Variants in KCNMA1 observed in about 807,000 individuals in gnomAD.
KCNMA1 encodes Calcium-activated potassium channel subunit alpha-1.
KCNMA1 carries 29 observed loss-of-function variants against 140.0 expected under a neutral mutation model. The ratio of observed to expected loss-of-function variants is 0.21; its 90% CI spans 0.15 to 0.28. The LOEUF is 0.28. Ranked by LOEUF, KCNMA1 falls within the 10% of genes least tolerant of loss-of-function variation. The probability of loss-of-function intolerance (pLI) is 1.00; values close to 1 mark genes in which losing one functional copy is unlikely to be tolerated. For missense variants in KCNMA1, 880 were observed against 1,602.2 expected (o/e 0.55, Z 7.70); for synonymous variants, 612 against 611.9 (o/e 1.00, Z 0.00).
intron 1 of KCNMA1, among the ~76,000 whole-genome samples, chr10:77,443,838 A>C (rs1402377566): frequency 6.6e-6 from 1 of 152,218 alleles, no homozygotes; most frequent in Non-Finnish European, 1.5e-5. Context: ...AATAAGACCT[A>C]GAGTTTGATA....
At chr10:77,329,007 AT>A (rs2085293714) in intron 2 of KCNMA1, among the ~76,000 whole-genome samples, 2 of 151,710 alleles carry the variant, frequency 1.3e-5, no homozygotes, top group Admixed American at 6.6e-5. Flanking sequence ...TGCCCGGCTA[AT>A]TTTTTGTATT....
chr10:77,136,445 C>T (rs1564751770), intron 5 of KCNMA1, among the ~76,000 whole-genome samples: 2 of 151,984 alleles, frequency 1.3e-5, no homozygotes, highest in South Asian at 2.1e-4. Context: ...TTCAACTTTG[C>T]AAGATCAAAA....
chr10:77,250,994 C>G (rs1565495412), intron 3 of KCNMA1: 2 of 606,106 alleles, frequency 3.3e-6, no homozygotes, highest in Non-Finnish European at 5.9e-6. Context: ...CCCTCCTATG[C>G]CAGCAGACTC....
intron 2 of KCNMA1, among the ~76,000 whole-genome samples, chr10:77,271,361 T>C (rs1020861230): frequency 3.3e-5 from 5 of 152,152 alleles, no homozygotes; most frequent in African/African-American, 7.2e-5. Flanking sequence ...CTCATTCTGC[T>C]GGTCCAGGCT....
chr10:76,888,393 T>C (rs1470233738), intron 27 of KCNMA1: 5 of 152,172 alleles, frequency 3.3e-5, no homozygotes, highest in Non-Finnish European at 7.4e-5. Context: ...TTTACATAAT[T>C]TAAAATATAT....
intron 1 of KCNMA1, among the ~76,000 whole-genome samples, chr10:77,475,199 A>C (rs561428103): frequency 3.9e-5 from 6 of 152,322 alleles, no homozygotes; most frequent in African/African-American, 1.4e-4. Context: ...TATGCCAAGC[A>C]TGCTCACCAT....
At chr10:77,292,272 G>T (rs569127749) in intron 2 of KCNMA1, among the ~76,000 whole-genome samples, 2 of 152,280 alleles carry the variant, frequency 1.3e-5, no homozygotes, top group South Asian at 4.1e-4. Flanking sequence ...CACTCCATTA[G>T]AGTTGACCTG....
In KCNMA1 at chr10:77,587,629, C is replaced by A. The variant is rs556654360; in HGVS notation, c.378+49636G>T. On this transcript the variant is annotated intron_variant, in intron 1 of 27. Coordinates refer to ENST00000286628, the MANE Select transcript of KCNMA1 (RefSeq NM_001161352.2). ...GGACTTTCTGTGTCTGGGCTGCGGG[C>A]CCCTGAGTGTCCGGTGCTCTGAGGA... The A allele has an allele frequency of 4.7e-6, 4 of 847,092 alleles. No individual in the cohort carries two copies. The South Asian group carries it at 1.6e-4, about 34-fold the overall frequency. The allele number at this position is 847,092 out of a possible 1,614,324, so 52.5% of individuals were successfully genotyped here. A position where few individuals can be genotyped will look rare whatever the true frequency, so the allele number is the denominator to read the frequency against.
intron 3 of KCNMA1, among the ~76,000 whole-genome samples, chr10:77,197,795 C>T (rs1001388502): frequency 6.6e-6 from 1 of 152,110 alleles, no homozygotes; most frequent in African/African-American, 2.4e-5. Flanking sequence ...GCAGAAAGGA[C>T]CTACATCAAA....
At chr10:77,486,861 C>T (rs2098466966) in intron 1 of KCNMA1, among the ~76,000 whole-genome samples, 1 of 152,242 alleles carries the variant, frequency 6.6e-6, no homozygotes, top group African/African-American at 2.4e-5. Context: ...TTCCCTTCCT[C>T]CCTAGTCCCC....
chr10:77,224,056 G>T (rs1470348004), intron 3 of KCNMA1, among the ~76,000 whole-genome samples: 1 of 152,186 alleles, frequency 6.6e-6, no homozygotes, highest in East Asian at 1.9e-4. Flanking sequence ...CCATGAGTCA[G>T]CCATTCTCAA....
intron 6 of KCNMA1, 48 bp from the exon 7 acceptor site, chr10:77,112,490 C>T: frequency 6.9e-7 from 1 of 1,450,652 alleles, no homozygotes; most frequent in Non-Finnish European, 9.7e-7. Flanking sequence ...AAGGGAAGGC[C>T]CTGCTGGGGC....
chr10:77,515,214 G>C (rs974155945), intron 1 of KCNMA1, among the ~76,000 whole-genome samples: 8 of 152,108 alleles, frequency 5.3e-5, no homozygotes, highest in African/African-American at 1.7e-4. Flanking sequence ...CCGGGGGATG[G>C]GGGGGAAAGG....
intron 3 of KCNMA1, among the ~76,000 whole-genome samples, chr10:77,241,100 C>T (rs1195352566): frequency 6.6e-6 from 1 of 152,114 alleles, no homozygotes; most frequent in Non-Finnish European, 1.5e-5. Flanking sequence ...TTTTAATTTT[C>T]TCATTTGAAA....
At chr10:76,872,278 T>C (rs1212751022), downstream of KCNMA1, 1 of 152,204 alleles carries the variant, frequency 6.6e-6, no homozygotes, top group Non-Finnish European at 1.5e-5. Context: ...CAAAGCAAAA[T>C]GTGTGAGGAA....
intron 1 of KCNMA1, among the ~76,000 whole-genome samples, chr10:77,439,517 C>T (rs569284134): frequency 1.8e-3 from 271 of 152,244 alleles, no homozygotes; most frequent in African/African-American, 6.3e-3. Flanking sequence ...ACACACATCC[C>T]AACCAGCTCT....
chr10:77,170,410 G>C (rs768182290), intron 5 of KCNMA1, among the ~76,000 whole-genome samples: 2 of 152,084 alleles, frequency 1.3e-5, no homozygotes, highest in Non-Finnish European at 2.9e-5. Flanking sequence ...AGCGGGCTGA[G>C]ATACTGTATC....
intron 14 of KCNMA1, among the ~76,000 whole-genome samples, chr10:77,059,935 G>A (rs2095675772): frequency 6.6e-6 from 1 of 152,004 alleles, no homozygotes; most frequent in Admixed American, 6.6e-5. Flanking sequence ...ATGAACAATT[G>A]GAACCCAATT....
chr10:77,272,969 G>A (rs1214289218), intron 2 of KCNMA1, among the ~76,000 whole-genome samples: 1 of 152,092 alleles, frequency 6.6e-6, no homozygotes, highest in Non-Finnish European at 1.5e-5. Context: ...CCAAAACATG[G>A]ACCTATTATA....
Sources: allele counts gnomAD v4.1 joint callset (sites outside exome capture counted in the v4.1 genomes callset), GRCh38; gene constraint gnomAD v4.1.1; transcripts MANE v1.5; gene names NCBI Gene and HGNC (gene_info 2026-07-23, HGNC 2026-07-21).